MYO9B: variants seen among roughly 807,000 people sequenced by gnomAD.
MYO9B encodes the protein unconventional myosin-IXb.
A neutral mutation model predicts 229.5 loss-of-function variants in MYO9B; 71 were observed. That is an observed-to-expected ratio of 0.31 (90% CI 0.26 to 0.38). The LOEUF (loss-of-function observed/expected upper bound fraction) is 0.38, where lower values mean the gene tolerates loss of function less well. MYO9B is among the 10% of genes least tolerant of loss of function. MYO9B has a pLI of 1.00. For synonymous variants in MYO9B, 1,185 were observed against 1,235.8 expected (o/e 0.96, Z 0.86); for missense variants, 2,255 against 2,920.5 (o/e 0.77, Z 5.25).
chr19:17,191,302 C>T (rs1599410222), intron 20 of MYO9B, 83 bp downstream of exon 20: 1 of 1,428,532 alleles, frequency 7.0e-7, no homozygotes, highest in South Asian at 1.3e-5. Context: ...CCCCCAGGGC[C>T]ACTCTCTGAA....
chr19:17,162,423 AC>A lies in MYO9B; in HGVS notation c.1495del (p.His499ThrfsTer142). ...ALFDWIVLRI[N>X]HALLNKKDVE... ...TTCGACTGGATTGTGCTGCGGATCA[AC>A]CACGCACTCCTCAACAAGAAGGACG... On this transcript the variant is annotated frameshift_variant, in exon 9 of 40. Transcript: ENST00000682292. LOFTEE classifies it high-confidence loss of function. The A allele has an allele frequency of 6.3e-7, 1 of 1,585,380 alleles. No homozygotes were observed. Among genetic ancestry groups the A allele is most frequent in the Non-Finnish European group, 8.6e-7 (1 of 1,167,062 alleles).
intron 1 of MYO9B, among the ~76,000 whole-genome samples, chr19:17,089,771 G>A (rs2057619189): frequency 6.6e-6 from 1 of 152,112 alleles, no homozygotes; most frequent in Non-Finnish European, 1.5e-5. Flanking sequence ...TTTTTAAAAG[G>A]AGTGATCATT....
chr19:17,196,489 C>G (rs1258263862), intron 22 of MYO9B, among the ~76,000 whole-genome samples: 1 of 152,034 alleles, frequency 6.6e-6, no homozygotes, highest in Non-Finnish European at 1.5e-5. Flanking sequence ...TCGAGACCAG[C>G]CTGGCCAACA....
At chr19:17,111,400 A>G (rs2057846880) in intron 2 of MYO9B, among the ~76,000 whole-genome samples, 1 of 152,244 alleles carries the variant, frequency 6.6e-6, no homozygotes, top group Admixed American at 6.5e-5. Context: ...CCTTATATTT[A>G]TATCTACAGT....
intron 10 of MYO9B, 114 bp from the exon 11 acceptor site, chr19:17,167,829 T>G: frequency 1.5e-6 from 2 of 1,379,304 alleles, no homozygotes; most frequent in Non-Finnish European, 2.0e-6. Context: ...TTTCCTATTT[T>G]GAAGCATTTC....
chr19:17,185,118 G>A, intron 17 of MYO9B, 131 bp downstream of exon 17: 2 of 1,339,152 alleles, frequency 1.5e-6, no homozygotes, highest in South Asian at 1.3e-5. Flanking sequence ...GCTCAAGCCT[G>A]TAATCCCAGC....
chr19:17,207,392 G>T (rs1405769754), intron 35 of MYO9B, 148 bp downstream of exon 35: 21 of 1,126,242 alleles, frequency 1.9e-5, no homozygotes, highest in African/African-American at 1.6e-5. Context: ...AGCTACTTTG[G>T]GAGGCCAAGG....
intron 24 of MYO9B, among the ~76,000 whole-genome samples, chr19:17,199,013 C>G (rs2073077659): frequency 6.6e-6 from 1 of 152,050 alleles, no homozygotes; most frequent in Non-Finnish European, 1.5e-5. Flanking sequence ...TCAGCCTGGG[C>G]AGCGTGGCAA....
chr19:17,211,894 G>C lies in MYO9B; in HGVS notation c.6059-1G>C. 2 of 1,583,240 alleles carry C rather than the reference G, an allele frequency of 1.3e-6. No homozygotes were observed. The highest frequency in any genetic ancestry group is 2.7e-5 in the African/African-American group (2 of 74,364). ...TAACCCTGCCATCTGTCTCTCAAAAGGGCCCCCTGCGCCTGCTCTCCCTTG... is the reference window on the plus strand; with the variant it reads ...TAACCCTGCCATCTGTCTCTCAAAACGGCCCCCTGCGCCTGCTCTCCCTTG... On this transcript the variant is annotated splice_acceptor_variant, in intron 39 of 39. Transcript: ENST00000682292. LOFTEE classifies it high-confidence loss of function.
chr19:17,126,815 C>G (rs1346081061), intron 2 of MYO9B, among the ~76,000 whole-genome samples: 1 of 151,478 alleles, frequency 6.6e-6, no homozygotes, highest in African/African-American at 2.4e-5. Flanking sequence ...AGGCGCCCAC[C>G]ACCATGCCCG....
At chr19:17,083,424 T>C (rs1369100107) in intron 1 of MYO9B, among the ~76,000 whole-genome samples, 1 of 152,156 alleles carries the variant, frequency 6.6e-6, no homozygotes, top group African/African-American at 2.4e-5. Context: ...CCGTCTGCAC[T>C]GTAGGGTGTT....
intron 19 of MYO9B, among the ~76,000 whole-genome samples, chr19:17,189,570 T>TG (rs1029125640): frequency 4.6e-5 from 7 of 152,080 alleles, no homozygotes; most frequent in Admixed American, 1.3e-4. Context: ...AGGTTGAAGG[T>TG]GCAGTAAGCC....
At chr19:17,196,391 G>A (rs953450143) in intron 22 of MYO9B, among the ~76,000 whole-genome samples, 4 of 152,066 alleles carry the variant, frequency 2.6e-5, no homozygotes, top group East Asian at 1.9e-4. Flanking sequence ...GGAGATGGAT[G>A]GATAGAAGAT....
intron 2 of MYO9B, among the ~76,000 whole-genome samples, chr19:17,130,354 C>T (rs1018134941): frequency 1.3e-5 from 2 of 152,092 alleles, no homozygotes; most frequent in East Asian, 1.9e-4. Flanking sequence ...CGGTGGCTCA[C>T]GCCTGTAATC....
In MYO9B at chr19:17,191,349, GA is replaced by G; in HGVS notation, c.2811+131del. On this transcript the variant is annotated intron_variant, in intron 20 of 39. Transcript: ENST00000682292. ...TCTGTCTAGGAAATGCATTTCTCGG[GA>G]CCCAGCAGAGCACTGCACCTAAGGG... 2.4e-6 allele frequency: 3 copies of G among 1,235,596 alleles called. No homozygotes were observed. In the South Asian group the frequency reaches 4.8e-5, roughly 20 times the overall value. The allele number at this position is 1,235,596 out of a possible 1,614,324, so 76.5% of individuals were successfully genotyped here.
chr19:17,130,268 C>G lies in MYO9B; in HGVS notation c.841-15129C>G, dbSNP rs541890530. ...GGTGAATCACTTGAGGACTGGAGTT[C>G]GAGACCAGCCTGGCCAACATAGCAA... On this transcript the variant is annotated intron_variant, in intron 2 of 39. Transcript: ENST00000682292. 9.2e-5 allele frequency among the ~76,000 whole-genome samples: 14 copies of G among 151,378 alleles called. No individual in the cohort carries two copies. In the South Asian group the frequency reaches 2.7e-3, roughly 30 times the overall value.
At position 17,195,556 on chromosome 19, in the gene MYO9B, AAC is replaced by A. The variant is rs1052700863; in HGVS notation, c.4046+87_4046+88del. The A allele has an allele frequency of 3.4e-5, 51 of 1,482,292 alleles. No individual in the cohort carries two copies. In the African/African-American group the frequency reaches 5.3e-4, roughly 15 times the overall value. 91.8% of individuals were successfully genotyped at this position (1,482,292 alleles called of 1,614,324 possible). ...CAGGGGCAGTGCCACACATCCTGGA[AAC>A]ACATGTGTAATCATGCCCAGTGGGT... On this transcript the variant is annotated intron_variant, in intron 22 of 39. Transcript: ENST00000682292. The surrounding 1 kb of genome is among the most constrained non-coding windows in gnomAD (Gnocchi z 4.5).
intron 22 of MYO9B, among the ~76,000 whole-genome samples, chr19:17,196,042 T>C (rs888020525): frequency 9.9e-5 from 15 of 151,366 alleles, no homozygotes; most frequent in Non-Finnish European, 1.8e-4. Context: ...TCATAAGATG[T>C]TGAGCAGCAT....
chr19:17,119,001 C>A (rs1465689908), intron 2 of MYO9B, among the ~76,000 whole-genome samples: 1 of 152,134 alleles, frequency 6.6e-6, no homozygotes, highest in African/African-American at 2.4e-5. Flanking sequence ...GCACCTCTCA[C>A]CTCTCCCCTA....
Sources: allele counts gnomAD v4.1 joint callset (sites outside exome capture counted in the v4.1 genomes callset), GRCh38; gene constraint gnomAD v4.1.1; non-coding constraint Gnocchi (gnomAD v3.1); transcripts MANE v1.5; gene names NCBI Gene and HGNC (gene_info 2026-07-23, HGNC 2026-07-21).